RACGAP1: variants seen among roughly 807,000 people sequenced by gnomAD.
RACGAP1 encodes the protein Rac GTPase activating protein 1, also known as rac GTPase-activating protein 1.
A neutral mutation model predicts 78.1 loss-of-function variants in RACGAP1; 30 were observed. The ratio of observed to expected loss-of-function variants is 0.38; its 90% CI spans 0.29 to 0.52. The LOEUF (loss-of-function observed/expected upper bound fraction) is 0.52, where lower values mean the gene tolerates loss of function less well. RACGAP1 is among the 20% of genes least tolerant of loss of function. RACGAP1 has a pLI of 0.82. For synonymous variants in RACGAP1, 231 were observed against 264.8 expected (o/e 0.87, Z 1.24); for missense variants, 587 against 777.1 (o/e 0.76, Z 2.91).
chr12:49,991,676 A>G (rs1276123928), intron 15 of RACGAP1, among the ~76,000 whole-genome samples: 1 of 150,378 alleles, frequency 6.6e-6, no homozygotes, highest in African/African-American at 2.4e-5. Context: ...TTTAGTAGAG[A>G]TGGGGTTTCA....
chr12:50,000,880 T>G (rs1430542099), intron 7 of RACGAP1, among the ~76,000 whole-genome samples: 1 of 151,922 alleles, frequency 6.6e-6, no homozygotes, highest in African/African-American at 2.4e-5. Flanking sequence ...AAACCCTGTC[T>G]CTACTAAAAA....
At chr12:49,992,437 T>G (rs910441159) in intron 13 of RACGAP1, 60 bp from the exon 14 acceptor site, 1 of 1,590,094 alleles carries the variant, frequency 6.3e-7, no homozygotes, top group Non-Finnish European at 8.6e-7. Flanking sequence ...GACCAAAATA[T>G]AAATTCTATA....
chr12:50,001,555 T>C (rs1402121329), intron 6 of RACGAP1, among the ~76,000 whole-genome samples: 2 of 152,196 alleles, frequency 1.3e-5, no homozygotes, highest in Non-Finnish European at 2.9e-5. Flanking sequence ...ACATGAAGTC[T>C]TGGAAACACA....
rs1947968116 is a variant in RACGAP1 at position 49,992,586 on chromosome 12, C to T, written c.1409G>A (p.Arg470Lys). ...QAVGELPQAN[R>K]DTLAFLMIHL... The stretch of plus-strand genomic sequence containing the variant: ...AATCATGAGGAAAGCTAATGTGTCC[C>T]TGTTGGCCTGGGGCAGTTCACCAAC... The change falls in exon 13 of 17, where the codon AGG becomes AAG. Residue 470 changes from arginine (R) to lysine (K), a missense_variant. Coordinates refer to ENST00000312377, the MANE Select transcript of RACGAP1 (RefSeq NM_001319999.2). The T allele has an allele frequency of 4.3e-6, 7 of 1,614,198 alleles. No homozygotes were observed. Among genetic ancestry groups the T allele is most frequent in the Non-Finnish European group, 5.9e-6 (7 of 1,180,030 alleles).
upstream of RACGAP1, among the ~76,000 whole-genome samples, chr12:50,027,827 A>G (rs1193740737): frequency 6.6e-6 from 1 of 151,308 alleles, no homozygotes; most frequent in Non-Finnish European, 1.5e-5. Flanking sequence ...CTCCATCTCA[A>G]ATCAATCAAT....
chr12:50,027,149 T>G (rs1486398665), upstream of RACGAP1, among the ~76,000 whole-genome samples: 3 of 152,240 alleles, frequency 2.0e-5, no homozygotes, highest in Non-Finnish European at 4.4e-5. Context: ...TTATACTTGG[T>G]AAACTGCAAT....
chr12:49,993,108 A>C (rs1367739864), intron 12 of RACGAP1, among the ~76,000 whole-genome samples: 4 of 152,242 alleles, frequency 2.6e-5, no homozygotes, highest in Admixed American at 2.6e-4. Flanking sequence ...TAAATGAAGA[A>C]AACAAGGCAG....
chr12:50,008,999 G>A (rs776532406), intron 2 of RACGAP1, among the ~76,000 whole-genome samples: 21 of 151,896 alleles, frequency 1.4e-4, no homozygotes, highest in African/African-American at 4.1e-4. Flanking sequence ...AATTCAGGCC[G>A]GGCACGGTGG....
At chr12:49,990,393 G>A in intron 16 of RACGAP1, 50 bp from the exon 17 acceptor site, 2 of 1,476,390 alleles carry the variant, frequency 1.4e-6, no homozygotes, top group South Asian at 1.1e-5. Context: ...AAAAATGGTT[G>A]AATAAACAAC....
chr12:50,031,433 T>G (rs1310063885), intron 2 of RACGAP1, among the ~76,000 whole-genome samples: 1 of 132,800 alleles, frequency 7.5e-6, no homozygotes, highest in African/African-American at 2.8e-5. Context: ...GAGCCGAGAT[T>G]GCACCACTGA....
chr12:50,028,149 A>C (rs922225397), upstream of RACGAP1, among the ~76,000 whole-genome samples: 1 of 152,098 alleles, frequency 6.6e-6, no homozygotes, highest in African/African-American at 2.4e-5. Context: ...GTAAAGGTAG[A>C]CTCTCTATTT....
At position 49,997,071 on chromosome 12, in the gene RACGAP1, G is replaced by A; in HGVS notation, c.1013C>T (p.Thr338Ile). Reference protein sequence around the residue: ...RDRCPLPCIPTLIGTPVKIGE... With the variant: ...RDRCPLPCIPILIGTPVKIGE... ...AATCTTGACAGGTGTTCCTATCAGG[G>A]TAGGAATGCAGGGAAGGGGACAGCG... The change falls in exon 10 of 17, where the codon ACC becomes ATC. Residue 338 changes from threonine (T) to isoleucine (I), a missense_variant. Coordinates refer to ENST00000312377, the MANE Select transcript of RACGAP1 (RefSeq NM_001319999.2). 3 of 1,588,404 alleles carry A rather than the reference G, an allele frequency of 1.9e-6. No individual in the cohort carries two copies. The highest frequency in any genetic ancestry group is 2.6e-6 in the Non-Finnish European group (3 of 1,161,596).
chr12:50,027,498 A>G (rs113567961), upstream of RACGAP1, among the ~76,000 whole-genome samples: 775 of 152,304 alleles, frequency 5.1e-3, 5 homozygotes, highest in African/African-American at 0.018. Flanking sequence ...TAGGAAGATC[A>G]TGTGACCTCT....
chr12:50,000,018 A>ATGTTTTTTGTTTTTTT (rs1555172403), intron 7 of RACGAP1, among the ~76,000 whole-genome samples: 1 of 99,642 alleles, frequency 1.0e-5, no homozygotes, highest in Non-Finnish European at 1.9e-5. Context: ...CACCTGACTG[A>ATGTTTTTTGTTTTTTT]TTTTTTTTTT....
chr12:50,002,527 C>T lies in RACGAP1; in HGVS notation c.496-227G>A, dbSNP rs143819681. The T allele has an allele frequency of 1.4e-4, 55 of 394,460 alleles. No homozygotes were observed. The Middle Eastern group carries it at 8.7e-3, about 62-fold the overall frequency. The allele number at this position is 394,460 out of a possible 1,614,324, so 24.4% of individuals were successfully genotyped here. ...AAGCTATTATAATAAAATCAGGAAT[C>T]AATACCACAGAGGCAAGAAGAGGTT... On this transcript the variant is annotated intron_variant, in intron 5 of 16. Transcript: ENST00000312377.
intron 9 of RACGAP1, among the ~76,000 whole-genome samples, chr12:49,998,013 C>T (rs1385556192): frequency 3.9e-5 from 6 of 152,188 alleles, no homozygotes. Flanking sequence ...GATGAGGAAA[C>T]AGAAGCAAAG....
At chr12:49,995,614 C>T (rs1199805657) in intron 10 of RACGAP1, among the ~76,000 whole-genome samples, 2 of 151,944 alleles carry the variant, frequency 1.3e-5, no homozygotes, top group African/African-American at 2.4e-5. Context: ...AACCTAGCCT[C>T]CTGAGGAGCT....
intron 5 of RACGAP1, among the ~76,000 whole-genome samples, chr12:50,003,255 C>T (rs747993693): frequency 2.6e-5 from 4 of 152,160 alleles, no homozygotes; most frequent in Non-Finnish European, 5.9e-5. Context: ...ATAAATTTAA[C>T]TTCCCCAAGT....
intron 1 of RACGAP1, 66 bp downstream of exon 1, chr12:50,025,332 C>A: frequency 3.0e-6 from 3 of 985,824 alleles, no homozygotes; most frequent in Non-Finnish European, 3.6e-6. Flanking sequence ...GCTCACCACA[C>A]GAACACTCTG....
Sources: gnomAD v4.1 joint callset for allele counts (sites outside exome capture counted in the v4.1 genomes callset) on GRCh38, gnomAD v4.1.1 for gene constraint, MANE v1.5 for transcripts, NCBI Gene and HGNC (gene_info 2026-07-23, HGNC 2026-07-21) for gene names.